The following KLRD1 variants were observed in gnomAD, a reference collection of about 807,000 sequenced individuals.
KLRD1 encodes the protein killer cell lectin like receptor D1, also known as natural killer cells antigen CD94.
A neutral mutation model predicts 22.6 loss-of-function variants in KLRD1; 21 were observed. The ratio of observed to expected loss-of-function variants is 0.93; its 90% CI spans 0.66 to 1.34. KLRD1 has a LOEUF of 1.34. Ranked by LOEUF, KLRD1 falls within the 40% of genes most tolerant of loss-of-function variation. KLRD1 has a pLI of 0.00. For synonymous variants in KLRD1, 59 were observed against 71.1 expected, an observed-to-expected ratio of 0.83 and a Z score of 0.85; for missense variants, 183 against 208.6, an observed-to-expected ratio of 0.88 and a Z score of 0.76.
At chr12:10,245,010 A>G (rs1800409910) in intron 1 of KLRD1, among the ~76,000 whole-genome samples, 1 of 152,190 alleles carries the variant, frequency 6.6e-6, no homozygotes, top group African/African-American at 2.4e-5. Flanking sequence ...AGCAAGATAT[A>G]TAATGTTACT....
At chr12:10,313,012 A>T (rs1950131904) in intron 4 of KLRD1, among the ~76,000 whole-genome samples, 1 of 151,818 alleles carries the variant, frequency 6.6e-6, no homozygotes, top group East Asian at 2.0e-4. Context: ...GAAAAAGCGA[A>T]AAACTTCTCC....
chr12:10,245,172 A>G (rs1468633283), intron 1 of KLRD1, among the ~76,000 whole-genome samples: 2 of 152,146 alleles, frequency 1.3e-5, no homozygotes. Flanking sequence ...AGCCTGGCCA[A>G]TATGGTGAAA....
intron 1 of KLRD1, among the ~76,000 whole-genome samples, chr12:10,293,227 C>G (rs148984091): frequency 8.8e-6 from 1 of 113,128 alleles, no homozygotes; most frequent in Non-Finnish European, 1.9e-5. Flanking sequence ...TCTTCAAGTA[C>G]TCTTTCTTTG....
chr12:10,286,049 C>A (rs1297781691), intron 1 of KLRD1, among the ~76,000 whole-genome samples: 1 of 152,158 alleles, frequency 6.6e-6, no homozygotes, highest in Non-Finnish European at 1.5e-5. Flanking sequence ...TTTCCTCTAC[C>A]CATTACCCAT....
At chr12:10,297,142 T>A (rs964762334) in intron 1 of KLRD1, among the ~76,000 whole-genome samples, 1 of 152,220 alleles carries the variant, frequency 6.6e-6, no homozygotes, top group African/African-American at 2.4e-5. Context: ...GCTCAAAGGA[T>A]GAAAGTGTAC....
At chr12:10,311,669 T>C in intron 4 of KLRD1, 54 bp downstream of exon 4, 2 of 1,555,664 alleles carry the variant, frequency 1.3e-6, no homozygotes, top group Non-Finnish European at 1.8e-6. Context: ...AAATATACTA[T>C]CTAAACAAGT....
At chr12:10,250,900 T>C (rs1949340555) in intron 1 of KLRD1, among the ~76,000 whole-genome samples, 1 of 152,138 alleles carries the variant, frequency 6.6e-6, no homozygotes, top group Non-Finnish European at 1.5e-5. Flanking sequence ...TAAGAGCATG[T>C]TTTCTGGTTA....
intron 1 of KLRD1, among the ~76,000 whole-genome samples, chr12:10,254,447 A>AAC (rs1565449001): frequency 1.3e-5 from 2 of 151,402 alleles, no homozygotes. Context: ...AAAAAAAAAA[A>AAC]AAAAACCTAT....
chr12:10,310,451 G>A (rs763134186), intron 3 of KLRD1, among the ~76,000 whole-genome samples: 3 of 152,060 alleles, frequency 2.0e-5, no homozygotes, highest in Non-Finnish European at 4.4e-5. Context: ...TGTATTTTTC[G>A]GAATGCGCCC....
intron 1 of KLRD1, among the ~76,000 whole-genome samples, chr12:10,278,414 C>T (rs1427547811): frequency 6.6e-6 from 1 of 152,108 alleles, no homozygotes; most frequent in Non-Finnish European, 1.5e-5. Flanking sequence ...GGTGGACTTC[C>T]ATGCTCCCTA....
At chr12:10,298,719 A>G (rs1258806202) in intron 1 of KLRD1, among the ~76,000 whole-genome samples, 1 of 152,258 alleles carries the variant, frequency 6.6e-6, no homozygotes, top group Middle Eastern at 3.2e-3. Flanking sequence ...TTCCTGCTGC[A>G]GTTAACTAGC....
At chr12:10,287,317 G>A (rs544190365) in intron 1 of KLRD1, among the ~76,000 whole-genome samples, 4 of 152,202 alleles carry the variant, frequency 2.6e-5, no homozygotes, top group South Asian at 2.1e-4. Context: ...TAGTCAATAA[G>A]TATTTGCTGG....
chr12:10,244,278 G>A (rs1316052222), intron 1 of KLRD1, among the ~76,000 whole-genome samples: 2 of 152,106 alleles, frequency 1.3e-5, no homozygotes, highest in Non-Finnish European at 1.5e-5. Flanking sequence ...CCTAAACAGA[G>A]CTCAGGGAAC....
At chr12:10,279,964 C>T (rs1949625122) in intron 1 of KLRD1, among the ~76,000 whole-genome samples, 1 of 152,208 alleles carries the variant, frequency 6.6e-6, no homozygotes, top group African/African-American at 2.4e-5. Context: ...TTAAGTAAAA[C>T]CTACTGCTTC....
intron 1 of KLRD1, among the ~76,000 whole-genome samples, chr12:10,261,549 T>C (rs538105631): frequency 3.3e-5 from 5 of 152,290 alleles, no homozygotes; most frequent in African/African-American, 1.2e-4. Flanking sequence ...AGAAGATACA[T>C]GCAGGGTAGA....
chr12:10,277,442 T>G (rs1949602629), intron 1 of KLRD1, among the ~76,000 whole-genome samples: 1 of 152,146 alleles, frequency 6.6e-6, no homozygotes, highest in African/African-American at 2.4e-5. Flanking sequence ...GGATAGGTGG[T>G]GGTGTTTTTT....
intron 3 of KLRD1, among the ~76,000 whole-genome samples, chr12:10,311,067 T>C (rs1187686229): frequency 6.6e-6 from 1 of 152,226 alleles, no homozygotes; most frequent in Admixed American, 6.5e-5. Context: ...CTTTAAATCT[T>C]TTTCATCTAG....
At chr12:10,292,715 A>G (rs1395499917) in intron 1 of KLRD1, among the ~76,000 whole-genome samples, 1 of 152,176 alleles carries the variant, frequency 6.6e-6, no homozygotes, top group Non-Finnish European at 1.5e-5. Context: ...GTAAATGAGC[A>G]TTGGCTTCAA....
intron 4 of KLRD1, among the ~76,000 whole-genome samples, chr12:10,312,341 C>A (rs1051306721): frequency 6.6e-6 from 1 of 151,752 alleles, no homozygotes; most frequent in African/African-American, 2.4e-5. Context: ...CATGAGCCAC[C>A]GTGCCTGGCC....
Sources: gnomAD v4.1 joint callset for allele counts (sites outside exome capture counted in the v4.1 genomes callset) on GRCh38, gnomAD v4.1.1 for gene constraint, MANE v1.5 for transcripts, NCBI Gene and HGNC (gene_info 2026-07-23, HGNC 2026-07-21) for gene names.